PLD5: variants seen among roughly 807,000 people sequenced by gnomAD.
PLD5 encodes inactive phospholipase D5.
A neutral mutation model predicts 61.1 loss-of-function variants in PLD5; 36 were observed. The observed-to-expected ratio is 0.59, with a 90% CI of 0.45 to 0.78. PLD5 has a LOEUF of 0.78. Ranked by LOEUF, PLD5 falls within the 30% of genes least tolerant of loss-of-function variation. The probability of loss-of-function intolerance (pLI) is 0.00; values close to 1 mark genes in which losing one functional copy is unlikely to be tolerated. For synonymous variants in PLD5, 243 were observed against 242.8 expected, an observed-to-expected ratio of 1.00 and a Z score of -0.01; for missense variants, 515 against 644.4, an observed-to-expected ratio of 0.80 and a Z score of 2.17.
chr1:242,131,945 C>T (rs1663292051), intron 5 of PLD5, among the ~76,000 whole-genome samples: 1 of 149,970 alleles, frequency 6.7e-6, no homozygotes, highest in East Asian at 2.0e-4. Context: ...AGCAATTCTC[C>T]TGCCTCAGCC....
At chr1:242,395,245 C>T (rs1486934121) in intron 1 of PLD5, among the ~76,000 whole-genome samples, 1 of 151,884 alleles carries the variant, frequency 6.6e-6, no homozygotes, top group Non-Finnish European at 1.5e-5. Context: ...CAGCAAGTAG[C>T]TTTCATGATG....
chr1:242,447,654 G>C (rs1246779705), intron 1 of PLD5, among the ~76,000 whole-genome samples: 1 of 152,184 alleles, frequency 6.6e-6, no homozygotes, highest in Non-Finnish European at 1.5e-5. Flanking sequence ...AAAATAACCA[G>C]AGGATGGCCT....
At chr1:242,220,576 C>T (rs1157629693) in intron 4 of PLD5, among the ~76,000 whole-genome samples, 1 of 152,096 alleles carries the variant, frequency 6.6e-6, no homozygotes, top group Non-Finnish European at 1.5e-5. Flanking sequence ...ACGTTGGCCT[C>T]ATTATGCTTT....
Position 242,433,352 on chromosome 1 carries a change from C to G in PLD5, c.190-85110G>C, listed in dbSNP as rs193247596. ...CCTTGAAAGAATTCTCCTCTCAGGA[C>G]AGCCATTCCTGCCAGGCTTTTGTAC... On this transcript the variant is annotated intron_variant, in intron 1 of 9. Transcript: ENST00000536534. Among the ~76,000 whole-genome samples the G allele has an allele frequency of 3.2e-3, 487 of 152,320 alleles. 2 individuals carry two copies. The highest frequency in any genetic ancestry group is 0.011 in the African/African-American group (466 of 41,564).
chr1:242,126,293 A>G (rs1208187130), intron 5 of PLD5, among the ~76,000 whole-genome samples: 1 of 152,258 alleles, frequency 6.6e-6, no homozygotes, highest in African/African-American at 2.4e-5. Context: ...ATCATTCTTC[A>G]CAGAACTAGG....
At chr1:242,316,258 G>T (rs1291601677) in intron 2 of PLD5, among the ~76,000 whole-genome samples, 1 of 152,152 alleles carries the variant, frequency 6.6e-6, no homozygotes, top group Non-Finnish European at 1.5e-5. Context: ...TGCCCATTTT[G>T]GGGGCAGCAA....
chr1:242,463,901 T>C (rs1321797844), intron 1 of PLD5, among the ~76,000 whole-genome samples: 1 of 152,082 alleles, frequency 6.6e-6, no homozygotes, highest in Admixed American at 6.6e-5. Context: ...CCACCAGCCA[T>C]TGTCCCATTT....
intron 5 of PLD5, among the ~76,000 whole-genome samples, chr1:242,151,339 A>G (rs1395594281): frequency 6.6e-6 from 1 of 151,914 alleles, no homozygotes; most frequent in East Asian, 1.9e-4. Flanking sequence ...CTCTGTTGGT[A>G]ATACAGTTTC....
At chr1:242,408,016 A>G (rs1025335323) in intron 1 of PLD5, among the ~76,000 whole-genome samples, 4 of 152,244 alleles carry the variant, frequency 2.6e-5, no homozygotes, top group African/African-American at 4.8e-5. Context: ...AATAGCTGAA[A>G]GCTACTTCAA....
intron 1 of PLD5, among the ~76,000 whole-genome samples, chr1:242,390,897 A>G (rs753731012): frequency 3.3e-5 from 5 of 151,486 alleles, no homozygotes; most frequent in Non-Finnish European, 7.4e-5. Context: ...ATGGTAGTCA[A>G]AGTTGTGACT....
At chr1:242,324,593 T>A (rs1179271015) in intron 2 of PLD5, among the ~76,000 whole-genome samples, 1 of 152,064 alleles carries the variant, frequency 6.6e-6, no homozygotes, top group East Asian at 1.9e-4. Flanking sequence ...AAAACAAACC[T>A]CCTCTTTGCT....
intron 2 of PLD5, among the ~76,000 whole-genome samples, chr1:242,309,161 G>C (rs1268277717): frequency 6.6e-6 from 1 of 152,134 alleles, no homozygotes; most frequent in Non-Finnish European, 1.5e-5. Context: ...AAAGCATGTA[G>C]AGCAGGGGTG....
intron 6 of PLD5, among the ~76,000 whole-genome samples, chr1:242,115,223 T>C (rs970338683): frequency 1.3e-5 from 2 of 152,060 alleles, no homozygotes; most frequent in Non-Finnish European, 2.9e-5. Context: ...ACAATAAATG[T>C]GATGCCCTTC....
chr1:242,139,377 C>T (rs1231935442), intron 5 of PLD5, among the ~76,000 whole-genome samples: 1 of 152,124 alleles, frequency 6.6e-6, no homozygotes, highest in Non-Finnish European at 1.5e-5. Flanking sequence ...TTTCCTCCTT[C>T]CTGGTCACTG....
At chr1:242,507,002 G>A (rs1197013054) in intron 1 of PLD5, among the ~76,000 whole-genome samples, 1 of 152,152 alleles carries the variant, frequency 6.6e-6, no homozygotes, top group Admixed American at 6.5e-5. Context: ...TGCCAAGGGT[G>A]AGAGGTGGCC....
At chr1:242,494,071 C>CTCCCCTCCCCTCCCCTCCCT (rs1668270180) in intron 1 of PLD5, among the ~76,000 whole-genome samples, 25 of 33,470 alleles carry the variant, frequency 7.5e-4, no homozygotes, top group African/African-American at 2.4e-3. Context: ...CTTCCCTCCA[C>CTCCCCTCCCCTCCCCTCCCT]TCCCCTCCCC....
chr1:242,186,165 G>C (rs1182242996), intron 5 of PLD5, among the ~76,000 whole-genome samples: 1 of 47,840 alleles, frequency 2.1e-5, no homozygotes, highest in Non-Finnish European at 3.4e-5. Context: ...GGAATGAAGA[G>C]AGATATATAT....
chr1:242,508,021 C>A (rs971830349), intron 1 of PLD5, among the ~76,000 whole-genome samples: 2 of 150,650 alleles, frequency 1.3e-5, no homozygotes, highest in African/African-American at 4.9e-5. Context: ...TGCCGACCAG[C>A]AATTCTATTC....
intron 4 of PLD5, among the ~76,000 whole-genome samples, chr1:242,222,564 C>T (rs188371444): frequency 2.0e-5 from 3 of 152,326 alleles, no homozygotes; most frequent in African/African-American, 7.2e-5. Context: ...GTCTGAAACT[C>T]GGCCCCGTGG....
Sources: gnomAD v4.1 joint callset for allele counts (sites outside exome capture counted in the v4.1 genomes callset) on GRCh38, gnomAD v4.1.1 for gene constraint, MANE v1.5 for transcripts, NCBI Gene and HGNC (gene_info 2026-07-23, HGNC 2026-07-21) for gene names.